The following CDC14B variants were observed in gnomAD, a reference collection of about 807,000 sequenced individuals.
The protein encoded by CDC14B is dual specificity protein phosphatase CDC14B.
Under a neutral mutation model 64.2 loss-of-function variants are expected in CDC14B, and 22 were observed. The ratio of observed to expected loss-of-function variants is 0.34; its 90% confidence interval spans 0.24 to 0.49. The LOEUF (loss-of-function observed/expected upper bound fraction) is 0.49. Ranked by LOEUF, CDC14B falls within the 20% of genes least tolerant of loss-of-function variation. The pLI is 0.99. For missense variants in CDC14B, 498 were observed against 629.9 expected (o/e 0.79, Z 2.24); for synonymous variants, 191 against 215.8 (o/e 0.89, Z 1.01).
chr9:96,522,620 A>G lies in CDC14B; in HGVS notation c.1246-17T>C. On this transcript the variant is annotated splice_polypyrimidine_tract_variant and intron_variant, in intron 11 of 13. Transcript: ENST00000375241. ...ATCACTGTACTGTGTAAGTAAAAAAACACTGAGCTAATGATTTAAGTTGCA... is the reference window on the plus strand; with the variant it reads ...ATCACTGTACTGTGTAAGTAAAAAAGCACTGAGCTAATGATTTAAGTTGCA... 2 of 1,501,052 alleles carry G rather than the reference A, an allele frequency of 1.3e-6. No individual in the cohort carries two copies. Among genetic ancestry groups the G allele is most frequent in the Non-Finnish European group, 1.9e-6 (2 of 1,076,768 alleles). The allele number at this position is 1,501,052 out of a possible 1,614,324, so 93.0% of individuals were successfully genotyped here. A position where few individuals can be genotyped will look rare whatever the true frequency, so the allele number is the denominator to read the frequency against.
At chr9:96,512,317 ATTTTTTTTC>A (rs761919185) in intron 12 of CDC14B, among the ~76,000 whole-genome samples, 181 of 149,276 alleles carry the variant, frequency 1.2e-3, no homozygotes, top group Non-Finnish European at 2.1e-3. Context: ...TGTTTTTAAA[ATTTTTTTTC>A]TTTTTTTTTT....
chr9:96,594,128 C>G (rs988016680), intron 1 of CDC14B, among the ~76,000 whole-genome samples: 1 of 152,032 alleles, frequency 6.6e-6, no homozygotes, highest in Non-Finnish European at 1.5e-5. Flanking sequence ...GGATATCAAG[C>G]AATGAAGGAC....
At chr9:96,543,372 C>T (rs1379829901) in intron 5 of CDC14B, among the ~76,000 whole-genome samples, 1 of 152,054 alleles carries the variant, frequency 6.6e-6, no homozygotes, top group Non-Finnish European at 1.5e-5. Context: ...CTCAAGCAGT[C>T]TTCTCACCTT....
intron 1 of CDC14B, among the ~76,000 whole-genome samples, chr9:96,600,198 C>G (rs1846341330): frequency 6.6e-6 from 1 of 151,326 alleles, no homozygotes; most frequent in East Asian, 1.9e-4. Context: ...AGTTTGAGAC[C>G]AGCCTGCACA....
chr9:96,495,940 G>A (rs1000175873), downstream of CDC14B, among the ~76,000 whole-genome samples: 2 of 152,214 alleles, frequency 1.3e-5, no homozygotes, highest in African/African-American at 2.4e-5. Flanking sequence ...AAGTCACTAA[G>A]TTGACCCATC....
chr9:96,557,310 C>T (rs1842624732), intron 4 of CDC14B, among the ~76,000 whole-genome samples: 1 of 152,222 alleles, frequency 6.6e-6, no homozygotes, highest in Non-Finnish European at 1.5e-5. Flanking sequence ...ACGGTTGCCT[C>T]GTGCTGTTTG....
chr9:96,524,013 T>C (rs1275064121), intron 9 of CDC14B, among the ~76,000 whole-genome samples: 1 of 152,216 alleles, frequency 6.6e-6, no homozygotes, highest in African/African-American at 2.4e-5. Flanking sequence ...CTCAGCTCAC[T>C]GCAACCTTCA....
intron 6 of CDC14B, among the ~76,000 whole-genome samples, 190 bp downstream of exon 6, chr9:96,541,636 C>T (rs970847050): frequency 6.6e-6 from 1 of 152,166 alleles, no homozygotes; most frequent in African/African-American, 2.4e-5. Context: ...TAGAAGCACT[C>T]AGAAATTCAG....
chr9:96,570,428 T>C (rs1437926079), intron 1 of CDC14B, among the ~76,000 whole-genome samples: 1 of 152,126 alleles, frequency 6.6e-6, no homozygotes, highest in Non-Finnish European at 1.5e-5. Context: ...GCAGAGCCAA[T>C]GGAGAAATGG....
At chr9:96,514,640 T>G (rs1835368362) in intron 12 of CDC14B, 1 of 985,272 alleles carries the variant, frequency 1.0e-6, no homozygotes, top group Non-Finnish European at 1.2e-6. Flanking sequence ...TGCAAGGAAC[T>G]TTTGCATTCT....
chr9:96,573,850 T>TG (rs1844627608), intron 1 of CDC14B, among the ~76,000 whole-genome samples: 1 of 151,720 alleles, frequency 6.6e-6, no homozygotes, highest in Admixed American at 6.6e-5. Flanking sequence ...AAAAACATTG[T>TG]GAAAAAAAAC....
intron 1 of CDC14B, among the ~76,000 whole-genome samples, chr9:96,590,547 A>C (rs1372821716): frequency 6.6e-6 from 1 of 152,026 alleles, no homozygotes; most frequent in South Asian, 2.1e-4. Flanking sequence ...TTTTCTGAGG[A>C]ACCTCTATAC....
intron 1 of CDC14B, among the ~76,000 whole-genome samples, chr9:96,574,697 C>CAAAAAAAAAAAAAAAAAAAA (rs57056796): frequency 1.2e-4 from 6 of 49,958 alleles, no homozygotes; most frequent in African/African-American, 5.0e-4. Context: ...CTCGGTCTCA[C>CAAAAAAAAAAAAAAAAAAAA]AAAAAAAAAA....
intron 1 of CDC14B, among the ~76,000 whole-genome samples, chr9:96,580,402 T>C (rs1331832017): frequency 6.6e-6 from 1 of 152,180 alleles, no homozygotes; most frequent in Non-Finnish European, 1.5e-5. Flanking sequence ...CGGCTAATTT[T>C]GTGTTTTTAG....
At chr9:96,522,037 C>T (rs940302488) in intron 12 of CDC14B, among the ~76,000 whole-genome samples, 9 of 152,208 alleles carry the variant, frequency 5.9e-5, no homozygotes, top group Admixed American at 1.3e-4. Flanking sequence ...GAAAATCATT[C>T]CCCAAAGAAA....
intron 13 of CDC14B, among the ~76,000 whole-genome samples, chr9:96,504,448 C>T (rs1003841203): frequency 2.0e-5 from 3 of 152,216 alleles, no homozygotes; most frequent in African/African-American, 7.2e-5. Flanking sequence ...ATCTGGAGGG[C>T]TCCTCGCCCG....
At position 96,562,762 on chromosome 9, in the gene CDC14B, T is replaced by C. The variant is rs771184438; in HGVS notation, c.351A>G (p.Lys117=). The change falls in exon 4 of 14, where the codon AAA becomes AAG. Residue 117 remains lysine, a synonymous_variant. Coordinates refer to ENST00000375241, the MANE Select transcript of CDC14B (RefSeq NM_033331.4). ...KLKSITMLRK[K]IVHFTGSDQR... ...GATCAGAGCCAGTAAAATGAACAAT[T>C]TTCTTCCTTAACATTGTAATGGACT... 1.9e-6 allele frequency: 3 copies of C among 1,608,114 alleles called. No individual in the cohort carries two copies.
At chr9:96,522,642 T>C in intron 11 of CDC14B, 39 bp from the exon 12 acceptor site, 1 of 1,339,832 alleles carries the variant, frequency 7.5e-7, no homozygotes, top group South Asian at 1.2e-5. Context: ...TGATTTAAGT[T>C]GCACTTATTA....
intron 7 of CDC14B, among the ~76,000 whole-genome samples, chr9:96,537,252 C>G (rs183442542): frequency 6.6e-6 from 1 of 152,240 alleles, no homozygotes; most frequent in African/African-American, 2.4e-5. Context: ...CGCACCACTG[C>G]ACTCCAGCCT....
Sources: allele counts gnomAD v4.1 joint callset (sites outside exome capture counted in the v4.1 genomes callset), GRCh38; gene constraint gnomAD v4.1.1; transcripts MANE v1.5; gene names NCBI Gene and HGNC (gene_info 2026-07-23, HGNC 2026-07-21).